The following ANKFN1 variants were observed in gnomAD, a reference collection of about 807,000 sequenced individuals.
ANKFN1 encodes the protein ankyrin repeat and fibronectin type III domain containing 1.
ANKFN1 carries 74 observed loss-of-function variants against 108.7 expected under a neutral mutation model. That is an observed-to-expected ratio of 0.68 (90% CI 0.56 to 0.83). The LOEUF is 0.83. Ranked by LOEUF, ANKFN1 falls within the 40% of genes least tolerant of loss-of-function variation. The probability of loss-of-function intolerance (pLI) is 0.00; values close to 1 mark genes in which losing one functional copy is unlikely to be tolerated. For missense variants in ANKFN1, 1,505 were observed against 1,382.3 expected (o/e 1.09, Z -1.41); for synonymous variants, 547 against 516.2 (o/e 1.06, Z -0.81).
In ANKFN1 at chr17:56,512,848, G is replaced by T. The variant is rs1347727086; in HGVS notation, c.*1579G>T. On this transcript the variant is annotated 3_prime_UTR_variant, in exon 21 of 21. Transcript: ENST00000682825. ...TTTGGCCCATGGCCTATGGTCATTA[G>T]AAAACTAAAGCCCAGAGCTCAGACT... 6.6e-6 allele frequency among the ~76,000 whole-genome samples: 1 copy of T among 152,174 alleles called. No homozygotes were observed. The highest frequency in any genetic ancestry group is 1.5e-5 in the Non-Finnish European group (1 of 68,020).
rs564216524 is a variant in ANKFN1 at position 56,046,503 on chromosome 17, C to A, written c.288+178C>A. ...GTGTGCCCACACGCACTTGCATTTT[C>A]TCTGCAGATTATAAAAAAAAAATCA... is the stretch of plus-strand genomic sequence containing the variant. On this transcript the variant is annotated intron_variant, in intron 4 of 12. Transcript: ENST00000635860. 8.6e-5 allele frequency among the ~76,000 whole-genome samples: 13 copies of A among 151,936 alleles called. No homozygotes were observed. The South Asian group carries it at 2.7e-3, about 31-fold the overall frequency.
chr17:56,071,764 C>T (rs1905123613), intron 4 of ANKFN1, among the ~76,000 whole-genome samples: 1 of 152,214 alleles, frequency 6.6e-6, no homozygotes. Context: ...TTTGGGAAGG[C>T]AACCAAGACA....
At chr17:56,139,809 T>G (rs1347071670) in intron 4 of ANKFN1, among the ~76,000 whole-genome samples, 1 of 152,172 alleles carries the variant, frequency 6.6e-6, no homozygotes, top group Non-Finnish European at 1.5e-5. Context: ...TACCAACTTT[T>G]TTGTATCATC....
chr17:56,454,804 A>G (rs1029917279), intron 11 of ANKFN1, among the ~76,000 whole-genome samples: 1 of 152,186 alleles, frequency 6.6e-6, no homozygotes, highest in African/African-American at 2.4e-5. Context: ...CATTTGGGGT[A>G]CACTGCCACC....
chr17:56,264,594 G>C (rs1436400268), intron 3 of ANKFN1, among the ~76,000 whole-genome samples: 10 of 152,100 alleles, frequency 6.6e-5, no homozygotes, highest in Admixed American at 6.5e-4. Context: ...CAAAGTCAAT[G>C]AGTTCTCAGG....
chr17:56,213,486 C>G (rs1330523808), intron 2 of ANKFN1, among the ~76,000 whole-genome samples: 2 of 152,170 alleles, frequency 1.3e-5, no homozygotes, highest in African/African-American at 2.4e-5. Context: ...CTTCACATCC[C>G]TCATTCATAT....
intron 1 of ANKFN1, among the ~76,000 whole-genome samples, chr17:56,210,403 A>AT: frequency 6.6e-6 from 1 of 152,080 alleles, no homozygotes. Context: ...AACATCTATT[A>AT]TTTTTTGATT....
At chr17:56,374,923 C>T (rs966412135) in intron 8 of ANKFN1, among the ~76,000 whole-genome samples, 4 of 152,130 alleles carry the variant, frequency 2.6e-5, no homozygotes, top group African/African-American at 9.7e-5. Flanking sequence ...AACCACAAGA[C>T]CAGGCTGTCA....
At chr17:56,094,962 A>C (rs1272856690) in intron 4 of ANKFN1, among the ~76,000 whole-genome samples, 1 of 151,120 alleles carries the variant, frequency 6.6e-6, no homozygotes, top group African/African-American at 2.4e-5. Flanking sequence ...TTCAAAACTG[A>C]ATTTTGGGTT....
intron 4 of ANKFN1, among the ~76,000 whole-genome samples, chr17:56,126,398 C>A (rs1567795767): frequency 6.6e-6 from 1 of 152,148 alleles, no homozygotes; most frequent in Non-Finnish European, 1.5e-5. Flanking sequence ...TCTCCCCCTT[C>A]TTGACACAAT....
intron 3 of ANKFN1, among the ~76,000 whole-genome samples, chr17:56,296,387 A>G (rs764848407): frequency 5.3e-5 from 8 of 152,214 alleles, no homozygotes; most frequent in Non-Finnish European, 8.8e-5. Context: ...AAAGAAGCTG[A>G]TTAAAAAGGC....
chr17:56,108,497 C>G (rs78240546), intron 4 of ANKFN1, among the ~76,000 whole-genome samples: 1 of 152,152 alleles, frequency 6.6e-6, no homozygotes, highest in Admixed American at 6.5e-5. Context: ...CCATTGCAAA[C>G]ATTGGATATT....
At chr17:56,059,460 C>CT (rs1904935739) in intron 4 of ANKFN1, among the ~76,000 whole-genome samples, 1 of 152,098 alleles carries the variant, frequency 6.6e-6, no homozygotes, top group Non-Finnish European at 1.5e-5. Flanking sequence ...TCAATTTTGG[C>CT]TTTTGTTGCA....
At chr17:56,153,989 A>G (rs941413351) in intron 1 of ANKFN1, among the ~76,000 whole-genome samples, 1 of 151,982 alleles carries the variant, frequency 6.6e-6, no homozygotes, top group Non-Finnish European at 1.5e-5. Flanking sequence ...CTTTATTGTC[A>G]TGATGATGGA....
chr17:56,331,823 G>A (rs1333428780), intron 4 of ANKFN1, among the ~76,000 whole-genome samples: 3 of 152,108 alleles, frequency 2.0e-5, no homozygotes, highest in Non-Finnish European at 4.4e-5. Context: ...TATCTATTGG[G>A]TATTGGGAGA....
chr17:56,341,364 G>A (rs2144621445), intron 4 of ANKFN1, among the ~76,000 whole-genome samples: 1 of 152,146 alleles, frequency 6.6e-6, no homozygotes, highest in South Asian at 2.1e-4. Flanking sequence ...AGTGGGAGAG[G>A]ACATCCTTGT....
chr17:56,487,376 C>G (rs564547675), intron 18 of ANKFN1, among the ~76,000 whole-genome samples: 88 of 152,222 alleles, frequency 5.8e-4, no homozygotes, highest in Non-Finnish European at 1.1e-3. Flanking sequence ...GGTGACGTGG[C>G]CCCTTGAGGA....
chr17:56,321,924 T>C (rs2045379450), intron 3 of ANKFN1, among the ~76,000 whole-genome samples: 1 of 152,076 alleles, frequency 6.6e-6, no homozygotes, highest in South Asian at 2.1e-4. Flanking sequence ...TAAACAACTG[T>C]AGTGGGAAAC....
At chr17:56,148,505 G>T (rs370617461), upstream of ANKFN1, among the ~76,000 whole-genome samples, 3 of 152,212 alleles carry the variant, frequency 2.0e-5, no homozygotes, top group Non-Finnish European at 4.4e-5. Flanking sequence ...AAGGTGGAAG[G>T]TGACTGCAGG....
Sources: allele counts gnomAD v4.1 joint callset (sites outside exome capture counted in the v4.1 genomes callset), GRCh38; gene constraint gnomAD v4.1.1; transcripts MANE v1.5; gene names NCBI Gene and HGNC (gene_info 2026-07-23, HGNC 2026-07-21).